The following CLMN variants were observed in gnomAD, a reference collection of about 807,000 sequenced individuals.
CLMN encodes calmin.
In CLMN, 57 loss-of-function variants were observed where a neutral mutation model predicts 92.7. The ratio of observed to expected loss-of-function variants is 0.61; its 90% CI spans 0.50 to 0.77. CLMN has a LOEUF of 0.77. Among genes scored for constraint, CLMN ranks in the 30% least tolerant of loss-of-function variants. The pLI is 0.00. For missense variants in CLMN, 1,158 were observed against 1,237.5 expected, an observed-to-expected ratio of 0.94 and a Z score of 0.96; for synonymous variants, 466 against 470.6, an observed-to-expected ratio of 0.99 and a Z score of 0.13.
intron 1 of CLMN, among the ~76,000 whole-genome samples, chr14:95,305,633 C>T (rs1901245082): frequency 6.6e-6 from 1 of 152,176 alleles, no homozygotes; most frequent in Non-Finnish European, 1.5e-5. Flanking sequence ...GAACAGAAAT[C>T]ATAATGGATT....
At position 95,221,765 on chromosome 14, in the gene CLMN, A is replaced by G; in HGVS notation, c.250T>C (p.Tyr84His). The change falls in exon 4 of 13, where the codon TAC (tyrosine) becomes CAC (histidine). Residue 84 changes from tyrosine to histidine, a missense_variant. By Grantham distance (83) the Tyr-to-His change is moderately conservative. Transcript: ENST00000298912. ...AAAATACGATGCGACGAGGATTTGT[A>G]TTCGTGCAGCTATAAAACAGAACAG... ...VLSGRNLLHE[Y>H]KSSSHRIFRL... The G allele has an allele frequency of 1.2e-6, 2 of 1,614,214 alleles. No individual in the cohort carries two copies. Among genetic ancestry groups the G allele is most frequent in the South Asian group, 1.1e-5 (1 of 91,086 alleles).
intron 1 of CLMN, among the ~76,000 whole-genome samples, chr14:95,236,397 G>T (rs1000573754): frequency 2.6e-5 from 4 of 152,196 alleles, no homozygotes; most frequent in African/African-American, 9.7e-5. Context: ...CGCGCAGCTT[G>T]GAATCCCTCA....
At chr14:95,307,204 C>G (rs922282420) in intron 1 of CLMN, among the ~76,000 whole-genome samples, 1 of 152,226 alleles carries the variant, frequency 6.6e-6, no homozygotes, top group African/African-American at 2.4e-5. Context: ...ATACTAAAAA[C>G]AGGCTCAAAT....
At chr14:95,306,920 G>C (rs1371181573) in intron 1 of CLMN, among the ~76,000 whole-genome samples, 1 of 152,128 alleles carries the variant, frequency 6.6e-6, no homozygotes, top group Non-Finnish European at 1.5e-5. Flanking sequence ...AAAAAATCAA[G>C]ATGAAACAAT....
At chr14:95,286,137 G>A (rs1383352501) in intron 1 of CLMN, among the ~76,000 whole-genome samples, 1 of 152,202 alleles carries the variant, frequency 6.6e-6, no homozygotes, top group African/African-American at 2.4e-5. Context: ...TCATGGTAAT[G>A]TGGTTATGCT....
chr14:95,227,673 A>G (rs1335393281), intron 2 of CLMN, among the ~76,000 whole-genome samples: 3 of 152,196 alleles, frequency 2.0e-5, no homozygotes, highest in Admixed American at 6.5e-5. Context: ...TGGCAGGGGG[A>G]GAAATTGAAC....
chr14:95,317,001 C>G (rs914715455), intron 1 of CLMN, among the ~76,000 whole-genome samples: 1 of 152,258 alleles, frequency 6.6e-6, no homozygotes, highest in Non-Finnish European at 1.5e-5. Flanking sequence ...AGCAGGCACA[C>G]AGCTTCAATG....
rs754484265 is a variant in CLMN at position 95,244,413 on chromosome 14, C to A, written c.83-14280G>T. Among the ~76,000 whole-genome samples, 80 of 152,192 alleles carry A rather than the reference C, an allele frequency of 5.3e-4. 1 individual carries two copies. Among genetic ancestry groups the A allele is most frequent in the Admixed American group, 4.6e-3 (70 of 15,290 alleles). On this transcript the variant is annotated intron_variant, in intron 1 of 12. Coordinates refer to ENST00000298912, the MANE Select transcript of CLMN (RefSeq NM_024734.4). The stretch of plus-strand genomic sequence containing the variant: ...TCCCAATTATTGGTCCTAGTTGTGC[C>A]CGTTGAGTTTTCTCCTTATCCACAA...
At chr14:95,308,315 A>T (rs1473008396) in intron 1 of CLMN, among the ~76,000 whole-genome samples, 1 of 152,158 alleles carries the variant, frequency 6.6e-6, no homozygotes, top group East Asian at 1.9e-4. Context: ...CTTGCCCAAC[A>T]TCCTTTAGCT....
At chr14:95,238,325 G>A (rs1284057116) in intron 1 of CLMN, among the ~76,000 whole-genome samples, 1 of 152,216 alleles carries the variant, frequency 6.6e-6, no homozygotes, top group Non-Finnish European at 1.5e-5. Flanking sequence ...TTTTAAACAG[G>A]AGAGGGGCCA....
rs1566863599 is a variant in CLMN at position 95,203,568 on chromosome 14, T to C, written c.1781A>G (p.Asp594Gly). ...PSPHETKPDE[D>G]AEAFENHAEK... ...AGCATGATTCTCAAAAGCCTCAGCA[T>C]CCTCGTCAGGTTTTGTCTCATGAGG... Residue 594 changes from aspartate to glycine, a missense_variant, in exon 9 of 13, where the codon GAT (aspartate) becomes GGT (glycine). Coordinates refer to ENST00000298912, the MANE Select transcript of CLMN (RefSeq NM_024734.4). The C allele has an allele frequency of 6.2e-7, 1 of 1,614,216 alleles. No homozygotes were observed. The highest frequency in any genetic ancestry group is 1.1e-5 in the South Asian group (1 of 91,086).
rs1896509530 is a variant in CLMN, at chr14:95,189,350, C to A, written c.*2214G>T. On this transcript the variant is annotated 3_prime_UTR_variant, in exon 13 of 13. Transcript: ENST00000298912. ...TCTTGTTAAAAGCCTTATTGTATTT[C>A]TTTTAATTTAAAAAAAATTTACAAG... 6.6e-6 allele frequency: 1 copy of A among 152,170 alleles called. No individual in the cohort carries two copies. Among genetic ancestry groups the A allele is most frequent in the Non-Finnish European group, 1.5e-5 (1 of 68,014 alleles). The allele number at this position is 152,170 out of a possible 1,614,324, so 9.4% of individuals were successfully genotyped here.
intron 4 of CLMN, among the ~76,000 whole-genome samples, chr14:95,220,808 G>T (rs1477540302): frequency 1.3e-5 from 2 of 152,238 alleles, no homozygotes; most frequent in African/African-American, 4.8e-5. Context: ...AAAGCAGAGA[G>T]AGCTCCTTCT....
chr14:95,210,481 C>T (rs981982744), intron 7 of CLMN, among the ~76,000 whole-genome samples: 3 of 151,782 alleles, frequency 2.0e-5, no homozygotes, highest in Non-Finnish European at 2.9e-5. Flanking sequence ...TATATATATA[C>T]AGTAAATGAT....
At chr14:95,193,958 A>G (rs1206298974) in intron 11 of CLMN, 39 bp from the exon 12 acceptor site, 8 of 1,605,514 alleles carry the variant, frequency 5.0e-6, no homozygotes, top group South Asian at 2.3e-5. Flanking sequence ...CCGCAACCCA[A>G]TTAGTAAAGA....
At chr14:95,304,745 C>G (rs571833619) in intron 1 of CLMN, among the ~76,000 whole-genome samples, 12 of 152,090 alleles carry the variant, frequency 7.9e-5, no homozygotes, top group Middle Eastern at 3.4e-3. Context: ...TGCAGAGGAC[C>G]AATGCCTCCC....
chr14:95,234,557 G>T (rs1468817792), intron 1 of CLMN, among the ~76,000 whole-genome samples: 1 of 152,230 alleles, frequency 6.6e-6, no homozygotes, highest in Non-Finnish European at 1.5e-5. Context: ...GGGTTTAATG[G>T]GCAAGGATAG....
At chr14:95,245,523 G>C in intron 1 of CLMN, among the ~76,000 whole-genome samples, 1 of 149,298 alleles carries the variant, frequency 6.7e-6, no homozygotes, top group African/African-American at 2.5e-5. Context: ...TAGATGGATG[G>C]ATGGATAGGT....
At chr14:95,236,958 C>T (rs1050755088) in intron 1 of CLMN, among the ~76,000 whole-genome samples, 5 of 152,144 alleles carry the variant, frequency 3.3e-5, no homozygotes, top group Admixed American at 1.3e-4. Context: ...CAGGTGACAG[C>T]AAGAAGGAAG....
Sources: gnomAD v4.1 joint callset for allele counts (sites outside exome capture counted in the v4.1 genomes callset) on GRCh38, gnomAD v4.1.1 for gene constraint, MANE v1.5 for transcripts, NCBI Gene and HGNC (gene_info 2026-07-23, HGNC 2026-07-21) for gene names.